The following CNTLN variants were observed in gnomAD, a reference collection of about 807,000 sequenced individuals.
CNTLN encodes the protein centlein, centrosomal protein.
In CNTLN, 212 loss-of-function variants were observed where a neutral mutation model predicts 180.0. That is an observed-to-expected ratio of 1.18 (90% confidence interval 1.05 to 1.32). The LOEUF is 1.32. Ranked by LOEUF, CNTLN falls within the 40% of genes most tolerant of loss-of-function variation. The pLI is 0.00. For missense variants in CNTLN, 2,095 were observed against 1,610.9 expected, an observed-to-expected ratio of 1.30 and a Z score of -5.14; for synonymous variants, 722 against 563.1, an observed-to-expected ratio of 1.28 and a Z score of -3.99.
the CNTLN span, among the ~76,000 whole-genome samples, chr9:17,512,007 G>C: frequency 1.3e-5 from 2 of 152,320 alleles, no homozygotes; most frequent in South Asian, 4.1e-4. Flanking sequence ...GTCACATAAA[G>C]ATGCTCAACA....
intron 23 of CNTLN, among the ~76,000 whole-genome samples, chr9:17,481,704 C>A (rs1457906923): frequency 6.6e-6 from 1 of 152,238 alleles, no homozygotes; most frequent in African/African-American, 2.4e-5. Context: ...AACTGCAAAG[C>A]CTAACACATG....
chr9:17,220,327 A>G (rs1824045825), intron 2 of CNTLN, among the ~76,000 whole-genome samples: 1 of 152,076 alleles, frequency 6.6e-6, no homozygotes, highest in African/African-American at 2.4e-5. Context: ...ATTTAAAAGT[A>G]CTACCAGAAT....
chr9:17,203,027 C>T (rs186045255), intron 2 of CNTLN, among the ~76,000 whole-genome samples: 4 of 150,778 alleles, frequency 2.7e-5, no homozygotes, highest in Non-Finnish European at 5.9e-5. Flanking sequence ...GTAAGGCAGG[C>T]CTGGTGGTGA....
intron 15 of CNTLN, among the ~76,000 whole-genome samples, chr9:17,399,656 A>T (rs554952095): frequency 0.03 from 4,635 of 152,270 alleles, 226 homozygotes; most frequent in African/African-American, 0.11. Context: ...TAAACAGATG[A>T]TAACAACTGA....
At chr9:17,489,568 A>G (rs1295745980) in intron 25 of CNTLN, among the ~76,000 whole-genome samples, 1 of 151,910 alleles carries the variant, frequency 6.6e-6, no homozygotes, top group Non-Finnish European at 1.5e-5. Flanking sequence ...TCTGTTAAAA[A>G]AAATATTTTT....
chr9:17,473,312 A>C (rs1212953052), intron 23 of CNTLN, among the ~76,000 whole-genome samples: 1 of 152,122 alleles, frequency 6.6e-6, no homozygotes, highest in African/African-American at 2.4e-5. Flanking sequence ...TGCGTCTTTC[A>C]CTGAGAAAAC....
chr9:17,192,300 G>A (rs1296589216), intron 2 of CNTLN, among the ~76,000 whole-genome samples: 2 of 143,588 alleles, frequency 1.4e-5, no homozygotes, highest in Admixed American at 1.4e-4. Context: ...GTTCAGTGGC[G>A]CCATCTCGGC....
intron 7 of CNTLN, among the ~76,000 whole-genome samples, chr9:17,308,004 A>ACG (rs1197901602): frequency 1.3e-5 from 2 of 151,530 alleles, no homozygotes; most frequent in African/African-American, 4.9e-5. Flanking sequence ...ACACACACAC[A>ACG]CACACACACA....
At chr9:17,145,077 A>G (rs201981979) in intron 2 of CNTLN, among the ~76,000 whole-genome samples, 3 of 149,512 alleles carry the variant, frequency 2.0e-5, no homozygotes, top group Non-Finnish European at 4.5e-5. Context: ...TCCTGACCTC[A>G]TGATCCACCC....
rs560899092 is a variant in CNTLN, at chr9:17,188,902, A to G, written c.450-37301A>G. On this transcript the variant is annotated intron_variant, in intron 2 of 25. Transcript: ENST00000380647. ...TTTTTTTCCCTCCAGATTATGGATTATGTGTTTCTACTTCTTTGCATACCT... is the reference window on the plus strand; with the variant it reads ...TTTTTTTCCCTCCAGATTATGGATTGTGTGTTTCTACTTCTTTGCATACCT... Among the ~76,000 whole-genome samples, 354 of 151,710 alleles carry G rather than the reference A, an allele frequency of 2.3e-3. 1 individual carries two copies. Among genetic ancestry groups the G allele is most frequent in the African/African-American group, 7.9e-3 (329 of 41,394 alleles).
chr9:17,226,055 C>A (rs1587242093), intron 2 of CNTLN, 148 bp from the exon 3 acceptor site: 1 of 406,708 alleles, frequency 2.5e-6, no homozygotes, highest in Non-Finnish European at 4.3e-6. Flanking sequence ...TAGTTTTCAG[C>A]AGTTGTAAGT....
intron 5 of CNTLN, among the ~76,000 whole-genome samples, chr9:17,261,986 A>G (rs1345328962): frequency 6.6e-6 from 1 of 151,600 alleles, no homozygotes; most frequent in Non-Finnish European, 1.5e-5. Context: ...AAAGCTTATC[A>G]GTAGTCATTA....
chr9:17,164,834 C>A (rs934560025), intron 2 of CNTLN, among the ~76,000 whole-genome samples: 1 of 145,458 alleles, frequency 6.9e-6, no homozygotes, highest in Non-Finnish European at 1.5e-5. Context: ...TTTTTTCTTT[C>A]TTTCTTTTTT....
Position 17,309,102 on chromosome 9 carries a change from T to G in CNTLN, c.1191T>G (p.Asn397Lys). 1 of 1,599,490 alleles carries G rather than the reference T, an allele frequency of 6.3e-7. No individual in the cohort carries two copies. The highest frequency in any genetic ancestry group is 8.5e-7 in the Non-Finnish European group (1 of 1,175,676). The change falls in exon 8 of 26, where the codon AAT (asparagine) becomes AAG (lysine). Residue 397 changes from asparagine to lysine, a missense_variant. Transcript: ENST00000380647. ...TTTGTTTTGAAACCACAAAATCAAA[T>G]GAAGCTATGCTCCGGCAAAGTGTTA... Reference protein sequence around the residue: ...LHICFETTKSNEAMLRQSVTN... With the variant: ...LHICFETTKSKEAMLRQSVTN...
chr9:17,459,898 G>C (rs775716209), intron 19 of CNTLN, among the ~76,000 whole-genome samples: 6 of 151,506 alleles, frequency 4.0e-5, no homozygotes, highest in Non-Finnish European at 5.9e-5. Flanking sequence ...AAGTACTGAG[G>C]GTTCGGTGAG....
At chr9:17,524,033 G>A in the CNTLN span, among the ~76,000 whole-genome samples, 4 of 152,208 alleles carry the variant, frequency 2.6e-5, no homozygotes, top group African/African-American at 9.7e-5. Context: ...TTTCTAAAAT[G>A]AGAAAGGTTC....
intron 13 of CNTLN, among the ~76,000 whole-genome samples, chr9:17,376,602 C>T (rs2133546562): frequency 6.6e-6 from 1 of 152,196 alleles, no homozygotes; most frequent in East Asian, 1.9e-4. Flanking sequence ...CAGGCGCCCA[C>T]CACCTTGCCC....
chr9:17,360,913 T>C (rs1807277177), intron 12 of CNTLN, among the ~76,000 whole-genome samples: 2 of 151,868 alleles, frequency 1.3e-5, no homozygotes, highest in South Asian at 4.1e-4. Context: ...GTATGGAGTG[T>C]TTTATAAAAC....
At chr9:17,424,707 G>A (rs1046358089) in intron 18 of CNTLN, among the ~76,000 whole-genome samples, 1 of 152,134 alleles carries the variant, frequency 6.6e-6, no homozygotes, top group African/African-American at 2.4e-5. Flanking sequence ...GGGTAATTAG[G>A]ATTACATAAG....
Sources: allele counts gnomAD v4.1 joint callset (sites outside exome capture counted in the v4.1 genomes callset), GRCh38; gene constraint gnomAD v4.1.1; transcripts MANE v1.5; gene names NCBI Gene and HGNC (gene_info 2026-07-23, HGNC 2026-07-21).